The following CAMTA1 variants were observed in gnomAD, a reference collection of about 807,000 sequenced individuals.
CAMTA1 encodes the protein calmodulin-binding transcription activator 1.
Under a neutral mutation model 170.9 loss-of-function variants are expected in CAMTA1, and 27 were observed. That is an observed-to-expected ratio of 0.16 (90% confidence interval 0.12 to 0.22). CAMTA1 has a LOEUF of 0.22. Ranked by LOEUF, CAMTA1 falls within the 10% of genes least tolerant of loss-of-function variation. The pLI is 1.00. For missense variants in CAMTA1, 1,619 were observed against 2,217.2 expected, an observed-to-expected ratio of 0.73 and a Z score of 5.42; for synonymous variants, 833 against 891.5, an observed-to-expected ratio of 0.93 and a Z score of 1.17.
chr1:7,638,909 G>A (rs72867176), intron 6 of CAMTA1, among the ~76,000 whole-genome samples: 195 of 152,284 alleles, frequency 1.3e-3, no homozygotes, highest in African/African-American at 4.4e-3. Flanking sequence ...GGCAGAAAGC[G>A]ACAGAGGACA....
At chr1:7,453,533 A>G (rs889622397) in intron 5 of CAMTA1, among the ~76,000 whole-genome samples, 1 of 152,214 alleles carries the variant, frequency 6.6e-6, no homozygotes, top group African/African-American at 2.4e-5. Context: ...TCTAGGCACT[A>G]TGCTGGAACC....
At chr1:7,645,089 C>T (rs562260331) in intron 7 of CAMTA1, among the ~76,000 whole-genome samples, 25 of 152,164 alleles carry the variant, frequency 1.6e-4, no homozygotes, top group Non-Finnish European at 3.1e-4. Context: ...CCCAGTAAAC[C>T]CCCATAGTGT....
intron 11 of CAMTA1, among the ~76,000 whole-genome samples, chr1:7,730,504 G>A (rs568213275): frequency 1.4e-4 from 22 of 152,206 alleles, no homozygotes; most frequent in Admixed American, 9.2e-4. Context: ...TCCTTATTAC[G>A]TTATCCTGCC....
At chr1:7,346,555 TC>T (rs36048871) in intron 5 of CAMTA1, among the ~76,000 whole-genome samples, 2 of 152,188 alleles carry the variant, frequency 1.3e-5, no homozygotes, top group Admixed American at 6.5e-5. Context: ...CCATAAGACT[TC>T]CCCCCTTAGG....
chr1:7,558,716 G>A (rs545922768), intron 6 of CAMTA1, among the ~76,000 whole-genome samples: 4 of 152,304 alleles, frequency 2.6e-5, no homozygotes, highest in East Asian at 1.9e-4. Context: ...AGGGGCTTCC[G>A]CCACCCCCTG....
intron 5 of CAMTA1, among the ~76,000 whole-genome samples, chr1:7,393,540 G>A (rs977026728): frequency 1.3e-5 from 2 of 151,982 alleles, no homozygotes; most frequent in African/African-American, 4.8e-5. Flanking sequence ...AGCCTTGTTT[G>A]TTTTTTCTTT....
rs146395032 is a variant in CAMTA1 at position 7,510,409 on chromosome 1, G to A, written c.510+42508G>A. ...TGCTGGCATTGATGCACCTTGCTTC[G>A]CCCCTGGGGGCTCACCTGTCCCATG... is the stretch of plus-strand genomic sequence containing the variant. On this transcript the variant is annotated intron_variant, in intron 6 of 22. Coordinates refer to ENST00000303635, the MANE Select transcript of CAMTA1 (RefSeq NM_015215.4). 2.5e-3 allele frequency among the ~76,000 whole-genome samples: 362 copies of A among 145,536 alleles called. 38 individuals are homozygous for A. Among genetic ancestry groups the A allele is most frequent in the Admixed American group, 2.9e-3 (42 of 14,582 alleles).
chr1:6,973,097 C>T (rs1368975805), intron 3 of CAMTA1, among the ~76,000 whole-genome samples: 1 of 152,200 alleles, frequency 6.6e-6, no homozygotes, highest in Non-Finnish European at 1.5e-5. Flanking sequence ...GGTGATCCAT[C>T]CACCTCGGCC....
Position 7,048,091 on chromosome 1 carries a change from C to T in CAMTA1, c.235-43213C>T, listed in dbSNP as rs576571050. ...TAATGGTGCAGCCTGTCTGGCCAGG[C>T]GAGGGGAGGGGGGTGGTCATGGAGG... On this transcript the variant is annotated intron_variant, in intron 3 of 22. Transcript: ENST00000303635. Among the ~76,000 whole-genome samples, 20 of 151,948 alleles carry T rather than the reference C, an allele frequency of 1.3e-4. 1 individual carries two copies. The South Asian group carries it at 3.3e-3, about 25-fold the overall frequency.
intron 5 of CAMTA1, among the ~76,000 whole-genome samples, chr1:7,283,236 C>T (rs1671770586): frequency 6.6e-6 from 1 of 152,122 alleles, no homozygotes; most frequent in African/African-American, 2.4e-5. Flanking sequence ...AGGAGACACC[C>T]CACCTGTGCT....
At chr1:7,149,005 C>T (rs905810822) in intron 4 of CAMTA1, among the ~76,000 whole-genome samples, 1 of 152,240 alleles carries the variant, frequency 6.6e-6, no homozygotes, top group Non-Finnish European at 1.5e-5. Flanking sequence ...TGGAGTGGGG[C>T]TTCCTGCCCT....
rs2096224363 is a variant in CAMTA1, at chr1:7,682,995, C to T, written c.2914+5262C>T. On this transcript the variant is annotated intron_variant, in intron 11 of 22. Transcript: ENST00000303635. The surrounding 1 kb of genome is among the most constrained non-coding windows in gnomAD (Gnocchi z 5.0). ...GCCCATCCTGGTTAACACGGTGAAA[C>T]CCCGCCTCTACTAAAAATACAAAAA... Among the ~76,000 whole-genome samples the T allele has an allele frequency of 6.6e-6, 1 of 152,148 alleles. No individual in the cohort carries two copies. The highest frequency in any genetic ancestry group is 6.5e-5 in the Admixed American group (1 of 15,282).
chr1:6,825,928 G>T (rs1189719766), intron 3 of CAMTA1, among the ~76,000 whole-genome samples: 1 of 152,082 alleles, frequency 6.6e-6, no homozygotes, highest in Non-Finnish European at 1.5e-5. Flanking sequence ...ATGAGAATTG[G>T]GTATACGTCC....
chr1:7,023,188 A>C (rs932881672), intron 3 of CAMTA1, among the ~76,000 whole-genome samples: 3 of 152,362 alleles, frequency 2.0e-5, no homozygotes, highest in Admixed American at 1.3e-4. Context: ...CTGTATATAG[A>C]TATGAGACCA....
At chr1:7,052,641 G>A (rs1052393244) in intron 3 of CAMTA1, among the ~76,000 whole-genome samples, 3 of 151,982 alleles carry the variant, frequency 2.0e-5, no homozygotes, top group Admixed American at 6.5e-5. Flanking sequence ...TGCGTGGCTC[G>A]TCCAGCTCTA....
intron 5 of CAMTA1, among the ~76,000 whole-genome samples, chr1:7,328,357 A>G (rs2082820880): frequency 1.7e-5 from 1 of 60,384 alleles, no homozygotes; most frequent in South Asian, 4.8e-4. Context: ...TTGCTCCTGT[A>G]GTGGTTATGC....
At chr1:7,406,602 G>T (rs1179808540) in intron 5 of CAMTA1, among the ~76,000 whole-genome samples, 2 of 151,470 alleles carry the variant, frequency 1.3e-5, no homozygotes. Flanking sequence ...AAGCACACAC[G>T]GATGTACACA....
chr1:7,766,406 T>G (rs1227185349), intron 22 of CAMTA1, 53 bp from the exon 23 acceptor site: 9 of 1,586,636 alleles, frequency 5.7e-6, no homozygotes, highest in Non-Finnish European at 7.8e-6. Context: ...CTTTACTTGG[T>G]CACAATTCAC....
At chr1:6,929,105 CA>C (rs1298331807) in intron 3 of CAMTA1, among the ~76,000 whole-genome samples, 3 of 152,206 alleles carry the variant, frequency 2.0e-5, no homozygotes, top group Admixed American at 1.3e-4. Flanking sequence ...ATATCATCAA[CA>C]TGTTGTAAAA....
Sources: gnomAD v4.1 joint callset for allele counts (sites outside exome capture counted in the v4.1 genomes callset) on GRCh38, gnomAD v4.1.1 for gene constraint, Gnocchi (gnomAD v3.1) non-coding constraint, MANE v1.5 for transcripts, NCBI Gene and HGNC (gene_info 2026-07-23, HGNC 2026-07-21) for gene names.